Variants in ADCY1 observed in about 807,000 individuals in gnomAD.
ADCY1 encodes adenylate cyclase 1, also known as adenylate cyclase type 1.
Under a neutral mutation model 105.4 loss-of-function variants are expected in ADCY1, and 28 were observed. The ratio of observed to expected loss-of-function variants is 0.27; its 90% confidence interval spans 0.20 to 0.36. The LOEUF (loss-of-function observed/expected upper bound fraction) is 0.36. Ranked by LOEUF, ADCY1 falls within the 10% of genes least tolerant of loss-of-function variation. The probability of loss-of-function intolerance (pLI) is 1.00; values close to 1 mark genes in which losing one functional copy is unlikely to be tolerated. For synonymous variants in ADCY1, 655 were observed against 623.8 expected (o/e 1.05, Z -0.75); for missense variants, 977 against 1,434.2 (o/e 0.68, Z 5.15).
chr7:45,611,906 G>C (rs981664409), intron 3 of ADCY1, among the ~76,000 whole-genome samples: 1 of 152,168 alleles, frequency 6.6e-6, no homozygotes, highest in Non-Finnish European at 1.5e-5. Flanking sequence ...AGACACAAAA[G>C]GTCAATAGAA....
intron 8 of ADCY1, among the ~76,000 whole-genome samples, chr7:45,676,980 A>T (rs1006773597): frequency 6.8e-6 from 1 of 147,246 alleles, no homozygotes; most frequent in Non-Finnish European, 1.5e-5. Flanking sequence ...GTTGATCTGT[A>T]TCCAGTGGCA....
chr7:45,710,515 G>T lies in ADCY1; in HGVS notation c.2933-13G>T. On this transcript the variant is annotated splice_polypyrimidine_tract_variant and intron_variant, in intron 18 of 19. Coordinates refer to ENST00000297323, the MANE Select transcript of ADCY1 (RefSeq NM_021116.4). The surrounding 1 kb of genome is among the most constrained non-coding windows in gnomAD (Gnocchi z 4.7). ...TCCCGCTGATGACAGGTCATGCGCT[G>T]GCTGTTTTCTAGGCATCAATGTTGG... 3 of 1,613,224 alleles carry T rather than the reference G, an allele frequency of 1.9e-6. No homozygotes were observed. Among genetic ancestry groups the T allele is most frequent in the Non-Finnish European group, 8.5e-7 (1 of 1,179,640 alleles).
chr7:45,583,948 T>TTG (rs1562672994), intron 1 of ADCY1, among the ~76,000 whole-genome samples: 76 of 138,142 alleles, frequency 5.5e-4, no homozygotes, highest in African/African-American at 1.1e-3. Context: ...TTTTTTTTTT[T>TTG]TTTTTTTTTT....
At chr7:45,592,960 G>A in intron 2 of ADCY1, 52 bp downstream of exon 2, 1 of 1,600,982 alleles carries the variant, frequency 6.2e-7, no homozygotes, top group Admixed American at 1.7e-5. Flanking sequence ...GGGCTGGGGA[G>A]GTGGAAGAAG....
chr7:45,627,252 C>T (rs1488168903), intron 4 of ADCY1, among the ~76,000 whole-genome samples: 3 of 152,138 alleles, frequency 2.0e-5, no homozygotes, highest in Middle Eastern at 3.2e-3. Flanking sequence ...ATTATGGCTC[C>T]GAAGCCTGTC....
chr7:45,710,381 C>A lies in ADCY1; in HGVS notation c.2933-147C>A. ...CTGTGTGTGATGCTTCAGGAAGGAG[C>A]CTGGTGCTAGGTGACCCCAGGAAAC... is the stretch of plus-strand genomic sequence containing the variant. On this transcript the variant is annotated intron_variant, in intron 18 of 19. Coordinates refer to ENST00000297323, the MANE Select transcript of ADCY1 (RefSeq NM_021116.4). The surrounding 1 kb of genome is among the most constrained non-coding windows in gnomAD (Gnocchi z 4.7). 1 of 1,170,972 alleles carries A rather than the reference C, an allele frequency of 8.5e-7. No homozygotes were observed. The highest frequency in any genetic ancestry group is 1.2e-6 in the Non-Finnish European group (1 of 844,214). The allele number at this position is 1,170,972 out of a possible 1,614,324, so 72.5% of individuals were successfully genotyped here. A position where few individuals can be genotyped will look rare whatever the true frequency, so the allele number is the denominator to read the frequency against.
intron 4 of ADCY1, among the ~76,000 whole-genome samples, chr7:45,625,972 C>T (rs1013870695): frequency 7.2e-5 from 11 of 152,218 alleles, no homozygotes; most frequent in African/African-American, 2.7e-4. Context: ...GGTGTTAACC[C>T]ATGTCCAAGA....
chr7:45,686,271 G>C lies in ADCY1; in HGVS notation c.2327+56G>C. On this transcript the variant is annotated intron_variant, in intron 13 of 19. Coordinates refer to ENST00000297323, the MANE Select transcript of ADCY1 (RefSeq NM_021116.4). This position sits in a 1 kb window ranked among gnomAD's most constrained non-coding sequence, Gnocchi z 4.3. ...TAAGCAGCGGTGCTACTGAATCTGT[G>C]TATACAGATATGCACTACAGGCTTC... is the stretch of plus-strand genomic sequence containing the variant. 6.3e-7 allele frequency: 1 copy of C among 1,575,410 alleles called. No individual in the cohort carries two copies.
At chr7:45,641,790 G>A (rs2116028485) in intron 4 of ADCY1, among the ~76,000 whole-genome samples, 1 of 144,746 alleles carries the variant, frequency 6.9e-6, no homozygotes, top group South Asian at 2.5e-4. Context: ...GCCAGGCGCG[G>A]TGGCGGGCGC....
Position 45,632,940 on chromosome 7 carries a change from C to T in ADCY1, c.1020+10197C>T, listed in dbSNP as rs539178901. Among the ~76,000 whole-genome samples, 24 of 152,194 alleles carry T rather than the reference C, an allele frequency of 1.6e-4. No individual in the cohort carries two copies. The South Asian group carries it at 3.3e-3, about 21-fold the overall frequency. On this transcript the variant is annotated intron_variant, in intron 4 of 19. Coordinates refer to ENST00000297323, the MANE Select transcript of ADCY1 (RefSeq NM_021116.4). Reference sequence around the variant, plus strand: ...AGCTCCTAGCTGTTTCTTTTTTAGACGGAGTCTTGCTCTGTTGCTTAGACT... The same window carrying T: ...AGCTCCTAGCTGTTTCTTTTTTAGATGGAGTCTTGCTCTGTTGCTTAGACT...
rs368312617 is a variant in ADCY1, at chr7:45,678,198, C to T, written c.1833C>T (p.Ser611=). 2.8e-5 allele frequency: 46 copies of T among 1,614,070 alleles called. No individual in the cohort carries two copies. Among genetic ancestry groups the T allele is most frequent in the Admixed American group, 1.3e-4 (8 of 60,006 alleles). The stretch of plus-strand genomic sequence containing the variant: ...AGCTTCAGGACGAGTATTTCACCAG[C>T]GCCGTTGTCCTCACCCTCATCCTGG... ...YHQLQDEYFT[S]AVVLTLILAA... Residue 611 remains serine (S), a synonymous_variant, in exon 10 of 20, where the codon AGC becomes AGT. Transcript: ENST00000297323.
intron 11 of ADCY1, among the ~76,000 whole-genome samples, chr7:45,681,724 C>G (rs574021744): frequency 6.6e-6 from 1 of 152,216 alleles, no homozygotes; most frequent in Non-Finnish European, 1.5e-5. Flanking sequence ...AGGGAAGAGG[C>G]CTGTGCAAAT....
At chr7:45,618,919 T>C (rs369812640) in intron 3 of ADCY1, among the ~76,000 whole-genome samples, 2 of 152,192 alleles carry the variant, frequency 1.3e-5, no homozygotes, top group Admixed American at 1.3e-4. Context: ...TCTCCCTGTT[T>C]ATTGCAGCAC....
chr7:45,659,974 G>T, intron 6 of ADCY1, 68 bp from the exon 7 acceptor site: 2 of 1,594,226 alleles, frequency 1.3e-6, no homozygotes, highest in Non-Finnish European at 1.7e-6. Flanking sequence ...TTCCCCTCTG[G>T]TAAGGCCCTG....
chr7:45,595,442 A>G (rs1263663070), intron 2 of ADCY1, among the ~76,000 whole-genome samples: 2 of 151,962 alleles, frequency 1.3e-5, no homozygotes, highest in African/African-American at 2.4e-5. Flanking sequence ...CTCTGTGAGG[A>G]CTTGTCACCT....
At chr7:45,678,868 A>G (rs1283437934) in intron 10 of ADCY1, among the ~76,000 whole-genome samples, 1 of 150,950 alleles carries the variant, frequency 6.6e-6, no homozygotes, top group Non-Finnish European at 1.5e-5. Context: ...CCTGGATGAC[A>G]TAGTGAGACT....
chr7:45,614,274 TTAAAGTG>T (rs1562689170), intron 3 of ADCY1, among the ~76,000 whole-genome samples: 1 of 151,992 alleles, frequency 6.6e-6, no homozygotes, highest in Non-Finnish European at 1.5e-5. Flanking sequence ...TATGAAGAAG[TTAAAGTG>T]TAGAGTTTCT....
At chr7:45,698,739 T>C (rs1474759952) in intron 14 of ADCY1, among the ~76,000 whole-genome samples, 2 of 152,216 alleles carry the variant, frequency 1.3e-5, no homozygotes, top group African/African-American at 2.4e-5. Flanking sequence ...GTTCATGTTA[T>C]GTGGTCCCTG....
chr7:45,664,644 AT>A, intron 8 of ADCY1: 5 of 616,558 alleles, frequency 8.1e-6, no homozygotes, highest in Non-Finnish European at 1.2e-5. Flanking sequence ...GTGTGTCTGT[AT>A]TTTTTTAATA....
Sources: gnomAD v4.1 joint callset for allele counts (sites outside exome capture counted in the v4.1 genomes callset) on GRCh38, gnomAD v4.1.1 for gene constraint, Gnocchi (gnomAD v3.1) non-coding constraint, MANE v1.5 for transcripts, NCBI Gene and HGNC (gene_info 2026-07-23, HGNC 2026-07-21) for gene names.